CNTNAP4: variants seen among roughly 807,000 people sequenced by gnomAD.
CNTNAP4 encodes the protein contactin-associated protein-like 4.
Under a neutral mutation model 148.4 loss-of-function variants are expected in CNTNAP4, and 98 were observed. The ratio of observed to expected loss-of-function variants is 0.66; its 90% CI spans 0.56 to 0.78. The LOEUF is 0.78. CNTNAP4 is among the 30% of genes least tolerant of loss of function. The probability of loss-of-function intolerance (pLI) is 0.00; values close to 1 mark genes in which losing one functional copy is unlikely to be tolerated. For synonymous variants in CNTNAP4, 730 were observed against 565.1 expected (o/e 1.29, Z -4.14); for missense variants, 1,935 against 1,565.6 (o/e 1.24, Z -3.98).
Position 76,455,507 on chromosome 16 carries a change from T to C in CNTNAP4, c.1333+2738T>C, listed in dbSNP as rs887387940. On this transcript the variant is annotated intron_variant, in intron 8 of 23. Transcript: ENST00000611870. ...CAATCCACCTTCCTCCCTTTCACTG[T>C]TGAAATATTCCTAACTTTCGGGCTG... is the stretch of plus-strand genomic sequence containing the variant. 3.8e-4 allele frequency among the ~76,000 whole-genome samples: 58 copies of C among 152,344 alleles called. 1 individual carries two copies. The highest frequency in any genetic ancestry group is 1.2e-3 in the African/African-American group (51 of 41,586).
intron 21 of CNTNAP4, among the ~76,000 whole-genome samples, chr16:76,550,131 C>A (rs1490803841): frequency 6.8e-6 from 1 of 146,032 alleles, no homozygotes; most frequent in Non-Finnish European, 1.5e-5. Flanking sequence ...AAAAATGTCA[C>A]CCTTAAAATA....
At chr16:76,399,853 C>CTA (rs1397101292) in intron 3 of CNTNAP4, among the ~76,000 whole-genome samples, 1 of 152,108 alleles carries the variant, frequency 6.6e-6, no homozygotes, top group Non-Finnish European at 1.5e-5. Context: ...AGAGAGCATG[C>CTA]TAATTTTTCA....
intron 3 of CNTNAP4, among the ~76,000 whole-genome samples, chr16:76,356,645 T>TC (rs1363292747): frequency 4.6e-5 from 7 of 152,212 alleles, no homozygotes; most frequent in Admixed American, 3.3e-4. Flanking sequence ...AAAGAACTAT[T>TC]CTCCCCTCTC....
chr16:76,355,839 C>A lies in CNTNAP4; in HGVS notation c.390+328C>A, dbSNP rs541612056. Among the ~76,000 whole-genome samples, 207 of 142,340 alleles carry A rather than the reference C, an allele frequency of 1.5e-3. 2 individuals are homozygous for A. The highest frequency in any genetic ancestry group is 5.3e-3 in the African/African-American group (200 of 38,086). 93.4% of individuals were successfully genotyped at this position (142,340 alleles called of 152,430 possible). On this transcript the variant is annotated intron_variant, in intron 3 of 23. Coordinates refer to ENST00000611870, the MANE Select transcript of CNTNAP4 (RefSeq NM_033401.5). ...CAAAAACATAATAGTCTTGCATTGT[C>A]TTTTATTTATTTATTTATTTATTTA...
chr16:76,525,138 A>G (rs1050613275), intron 17 of CNTNAP4, among the ~76,000 whole-genome samples: 20 of 152,168 alleles, frequency 1.3e-4, no homozygotes, highest in Non-Finnish European at 4.4e-5. Flanking sequence ...ATATTCATTT[A>G]TCAATTTACA....
intron 3 of CNTNAP4, among the ~76,000 whole-genome samples, chr16:76,409,929 T>C (rs576957053): frequency 3.2e-4 from 48 of 151,892 alleles, no homozygotes; most frequent in Non-Finnish European, 4.1e-4. Flanking sequence ...TGAGGCTTGT[T>C]ATGAAGGAGG....
chr16:76,457,595 A>T (rs1023074028), intron 8 of CNTNAP4, among the ~76,000 whole-genome samples: 9 of 152,078 alleles, frequency 5.9e-5, no homozygotes, highest in African/African-American at 2.2e-4. Context: ...TGCCTAACCA[A>T]TGACTGCCCA....
chr16:76,553,585 A>G lies in CNTNAP4; in HGVS notation c.3661+84A>G, dbSNP rs972346115. ...AAACTTCTCATGTGGCTTTCAGGCT[A>G]CCTTCTCAAGATGGCTTCTTAAAGT... On this transcript the variant is annotated intron_variant, in intron 22 of 23. Coordinates refer to ENST00000611870, the MANE Select transcript of CNTNAP4 (RefSeq NM_033401.5). The G allele has an allele frequency of 2.7e-5, 27 of 992,184 alleles. 1 individual carries two copies. The African/African-American group carries it at 3.1e-4, about 11-fold the overall frequency. The allele number at this position is 992,184 out of a possible 1,614,324, so 61.5% of individuals were successfully genotyped here.
intron 8 of CNTNAP4, 76 bp downstream of exon 8, chr16:76,452,845 T>C: frequency 7.8e-7 from 1 of 1,288,590 alleles, no homozygotes; most frequent in Non-Finnish European, 1.0e-6. Context: ...ATTTTATGCA[T>C]AACCAAAAAT....
At chr16:76,440,662 A>G (rs2080000238) in intron 4 of CNTNAP4, among the ~76,000 whole-genome samples, 1 of 152,128 alleles carries the variant, frequency 6.6e-6, no homozygotes, top group Admixed American at 6.6e-5. Flanking sequence ...AGGGACCTGT[A>G]TTCCTGTTCC....
chr16:76,494,397 G>A (rs550134625), intron 13 of CNTNAP4, among the ~76,000 whole-genome samples: 6 of 152,174 alleles, frequency 3.9e-5, no homozygotes, highest in African/African-American at 1.4e-4. Context: ...TCATGACAAG[G>A]GAGTGCCAAA....
chr16:76,278,324 C>G (rs1222724284), intron 1 of CNTNAP4, among the ~76,000 whole-genome samples: 1 of 152,190 alleles, frequency 6.6e-6, no homozygotes, highest in South Asian at 2.1e-4. Flanking sequence ...GAGAATGAGA[C>G]TTAGCGCTCT....
rs115627629 is a variant in CNTNAP4 at position 76,328,929 on chromosome 16, G to A, written c.196+12406G>A. Among the ~76,000 whole-genome samples, 721 of 152,302 alleles carry A rather than the reference G, an allele frequency of 4.7e-3. 2 individuals are homozygous for A. Among genetic ancestry groups the A allele is most frequent in the African/African-American group, 0.016 (647 of 41,556 alleles). ...CAAAGTGCTGGGCGTGAGCCACTGT[G>A]CCTGGCACCTGTAAGGTATTAATAG... is the stretch of plus-strand genomic sequence containing the variant. On this transcript the variant is annotated intron_variant, in intron 2 of 23. Transcript: ENST00000611870.
At chr16:76,467,566 G>T in intron 10 of CNTNAP4, 43 bp downstream of exon 10, 1 of 1,495,404 alleles carries the variant, frequency 6.7e-7, no homozygotes, top group Non-Finnish European at 9.0e-7. Context: ...TTCAAACTTT[G>T]GCATCAGATT....
chr16:76,452,716 A>G lies in CNTNAP4; in HGVS notation c.1280A>G (p.Lys427Arg). The G allele has an allele frequency of 6.2e-7, 1 of 1,610,474 alleles. No individual in the cohort carries two copies. The highest frequency in any genetic ancestry group is 1.3e-5 in the African/African-American group (1 of 74,874). Residue 427 changes from lysine to arginine, a missense_variant, in exon 8 of 24, where the codon AAA becomes AGA. Lys to Arg is a conservative substitution (Grantham distance 26). Coordinates refer to ENST00000611870, the MANE Select transcript of CNTNAP4 (RefSeq NM_033401.5). ...GGILLFLSDG[K>R]LKSNLYQPGK... The stretch of plus-strand genomic sequence containing the variant: ...ATCCTCCTCTTTCTGAGTGATGGAA[A>G]ACTTAAGTCGAATCTCTACCAGCCA...
chr16:76,467,580 ATT>A, intron 10 of CNTNAP4, 57 bp downstream of exon 10: 1 of 1,369,566 alleles, frequency 7.3e-7, no homozygotes, highest in Admixed American at 2.3e-5. Context: ...TCAGATTAAA[ATT>A]TATGTATAAG....
chr16:76,370,971 C>G (rs1004731089), intron 3 of CNTNAP4, among the ~76,000 whole-genome samples: 1 of 37,750 alleles, frequency 2.6e-5, no homozygotes, highest in African/African-American at 1.6e-4. Flanking sequence ...CAAAGCTAGC[C>G]AAGAACAGTC....
chr16:76,476,235 G>A (rs1203850406), intron 11 of CNTNAP4, among the ~76,000 whole-genome samples, 190 bp downstream of exon 11: 2 of 152,262 alleles, frequency 1.3e-5, no homozygotes, highest in Non-Finnish European at 2.9e-5. Flanking sequence ...TTGGCAAAGG[G>A]AAAATACATA....
At chr16:76,384,836 A>G (rs1199916187) in intron 3 of CNTNAP4, among the ~76,000 whole-genome samples, 1 of 152,138 alleles carries the variant, frequency 6.6e-6, no homozygotes, top group Admixed American at 6.5e-5. Flanking sequence ...CTGTTGTTTT[A>G]TTTCCCCAAA....
Sources: gnomAD v4.1 joint callset for allele counts (sites outside exome capture counted in the v4.1 genomes callset) on GRCh38, gnomAD v4.1.1 for gene constraint, MANE v1.5 for transcripts, NCBI Gene and HGNC (gene_info 2026-07-23, HGNC 2026-07-21) for gene names.